Variants in ALG9 observed in about 807,000 individuals in gnomAD.
The protein encoded by ALG9 is ALG9 alpha-1,2-mannosyltransferase, also known as alpha-1,2-mannosyltransferase ALG9.
ALG9 carries 55 observed loss-of-function variants against 81.8 expected under a neutral mutation model. The ratio of observed to expected loss-of-function variants is 0.67; its 90% CI spans 0.54 to 0.84. The LOEUF (loss-of-function observed/expected upper bound fraction) is 0.84, where lower values mean the gene tolerates loss of function less well. Among genes scored for constraint, ALG9 ranks in the 40% least tolerant of loss-of-function variants. ALG9 has a pLI of 0.00. For synonymous variants in ALG9, 278 were observed against 274.3 expected, an observed-to-expected ratio of 1.01 and a Z score of -0.13; for missense variants, 629 against 745.0, an observed-to-expected ratio of 0.84 and a Z score of 1.81.
intron 13 of ALG9, among the ~76,000 whole-genome samples, chr11:111,831,024 A>C (rs1209405511): frequency 6.6e-6 from 1 of 152,092 alleles, no homozygotes; most frequent in Admixed American, 6.5e-5. Context: ...TTTAAAAATT[A>C]GCTAGGGGTA....
intron 5 of ALG9, among the ~76,000 whole-genome samples, chr11:111,858,294 C>T (rs1353749044): frequency 6.6e-6 from 1 of 152,128 alleles, no homozygotes; most frequent in East Asian, 1.9e-4. Context: ...TGTAATTCCT[C>T]TCCCAGCCTA....
intron 4 of ALG9, among the ~76,000 whole-genome samples, chr11:111,863,241 C>T (rs1336373778): frequency 6.6e-6 from 1 of 152,068 alleles, no homozygotes; most frequent in African/African-American, 2.4e-5. Flanking sequence ...ACCTGTAATC[C>T]CAGCTACTCA....
At chr11:111,821,014 T>C (rs1327143189) in intron 13 of ALG9, among the ~76,000 whole-genome samples, 1 of 152,014 alleles carries the variant, frequency 6.6e-6, no homozygotes, top group Non-Finnish European at 1.5e-5. Flanking sequence ...TAGGATTGCT[T>C]GATATCAGGA....
At chr11:111,845,927 A>G (rs1956881555) in intron 8 of ALG9, among the ~76,000 whole-genome samples, 1 of 152,214 alleles carries the variant, frequency 6.6e-6, no homozygotes, top group Non-Finnish European at 1.5e-5. Flanking sequence ...TTCAAGTTCA[A>G]CTGTGCGTCA....
intron 14 of ALG9, among the ~76,000 whole-genome samples, chr11:111,807,591 C>T (rs782081887): frequency 6.6e-6 from 1 of 152,076 alleles, no homozygotes; most frequent in Non-Finnish European, 1.5e-5. Flanking sequence ...TCTTCCCTAC[C>T]CACCTCCAAA....
chr11:111,780,159 C>G (rs797026288), downstream of ALG9, among the ~76,000 whole-genome samples: 7 of 152,234 alleles, frequency 4.6e-5, no homozygotes, highest in African/African-American at 1.7e-4. Flanking sequence ...GGCTTTCTGA[C>G]CCAAACTTGT....
intron 14 of ALG9, among the ~76,000 whole-genome samples, chr11:111,787,737 C>A (rs1305033947): frequency 4.6e-5 from 7 of 151,396 alleles, no homozygotes; most frequent in African/African-American, 1.5e-4. Context: ...GGATTACAGG[C>A]GTGAGCCACC....
chr11:111,844,828 G>GAGGCATAGGAT, intron 8 of ALG9, 105 bp from the exon 9 acceptor site: 9 of 1,299,724 alleles, frequency 6.9e-6, no homozygotes, highest in African/African-American at 1.5e-5. Flanking sequence ...ATGATCCTAT[G>GAGGCATAGGAT]CCTCATGGGA....
At chr11:111,777,534 G>A (rs1421288547), downstream of ALG9, among the ~76,000 whole-genome samples, 1 of 152,122 alleles carries the variant, frequency 6.6e-6, no homozygotes, top group Non-Finnish European at 1.5e-5. Flanking sequence ...AGCTGTCAGA[G>A]ACAGTGATAC....
chr11:111,865,143 C>A (rs1555151580), intron 4 of ALG9, 38 bp downstream of exon 4: 1 of 1,455,992 alleles, frequency 6.9e-7, no homozygotes, highest in Non-Finnish European at 9.3e-7. Context: ...TAATGGGTTT[C>A]CTCACAGCAC....
At chr11:111,797,439 C>G (rs1254485060) in intron 14 of ALG9, among the ~76,000 whole-genome samples, 1 of 152,226 alleles carries the variant, frequency 6.6e-6, no homozygotes, top group African/African-American at 2.4e-5. Flanking sequence ...GCCTCCAGCC[C>G]CAGCCACTAT....
chr11:111,857,548 T>A, intron 6 of ALG9, 54 bp downstream of exon 6: 1 of 1,612,648 alleles, frequency 6.2e-7, no homozygotes, highest in Non-Finnish European at 8.5e-7. Context: ...AATCCAACAT[T>A]AAGATTTACT....
intron 13 of ALG9, among the ~76,000 whole-genome samples, chr11:111,831,373 C>G (rs1393725728): frequency 1.3e-5 from 2 of 152,070 alleles, no homozygotes; most frequent in African/African-American, 4.8e-5. Flanking sequence ...TTTACAGCAC[C>G]TGTAGTCTCA....
At chr11:111,804,261 A>G (rs1242843402) in intron 14 of ALG9, among the ~76,000 whole-genome samples, 1 of 152,212 alleles carries the variant, frequency 6.6e-6, no homozygotes, top group South Asian at 2.1e-4. Context: ...CACCAAAGGC[A>G]TGATTTATGA....
intron 14 of ALG9, among the ~76,000 whole-genome samples, chr11:111,794,532 G>A (rs1947940013): frequency 6.6e-6 from 1 of 152,002 alleles, no homozygotes; most frequent in Admixed American, 6.6e-5. Flanking sequence ...CAATCCTGTG[G>A]CCTCAGCCTC....
At chr11:111,869,064 G>A (rs1592445896) in intron 2 of ALG9, among the ~76,000 whole-genome samples, 1 of 152,302 alleles carries the variant, frequency 6.6e-6, no homozygotes, top group Non-Finnish European at 1.5e-5. Context: ...AGAGGTTGCA[G>A]TGAACCTAGA....
chr11:111,804,189 A>G (rs229280), intron 14 of ALG9, among the ~76,000 whole-genome samples: 2 of 151,938 alleles, frequency 1.3e-5, no homozygotes, highest in Non-Finnish European at 2.9e-5. Flanking sequence ...TAAAACTCCT[A>G]GAAGATAATA....
intron 5 of ALG9, 99 bp from the exon 6 acceptor site, chr11:111,857,836 A>G (rs1018026211): frequency 1.6e-5 from 21 of 1,341,962 alleles, no homozygotes; most frequent in Admixed American, 9.4e-5. Flanking sequence ...ACATTATAAA[A>G]TGTCAATAAA....
At chr11:111,837,027 C>T (rs1955417753) in intron 12 of ALG9, among the ~76,000 whole-genome samples, 1 of 152,260 alleles carries the variant, frequency 6.6e-6, no homozygotes, top group Non-Finnish European at 1.5e-5. Context: ...GACATTTTAA[C>T]CACAGCCTTC....
Sources: allele counts gnomAD v4.1 joint callset (sites outside exome capture counted in the v4.1 genomes callset), GRCh38; gene constraint gnomAD v4.1.1; transcripts MANE v1.5; gene names NCBI Gene and HGNC (gene_info 2026-07-23, HGNC 2026-07-21).